Variants in LGR4 observed in about 807,000 individuals in gnomAD.
LGR4 encodes leucine-rich repeat-containing G protein-coupled receptor 4.
A neutral mutation model predicts 84.8 loss-of-function variants in LGR4; 44 were observed. The observed-to-expected ratio is 0.52, with a 90% CI of 0.41 to 0.67. The LOEUF (loss-of-function observed/expected upper bound fraction) is 0.67, where lower values mean the gene tolerates loss of function less well. Ranked by LOEUF, LGR4 falls within the 30% of genes least tolerant of loss-of-function variation. LGR4 has a pLI of 0.00. For missense variants in LGR4, 1,032 were observed against 1,131.4 expected (o/e 0.91, Z 1.26); for synonymous variants, 429 against 434.3 (o/e 0.99, Z 0.15).
At chr11:27,433,341 T>C (rs563677596) in intron 1 of LGR4, among the ~76,000 whole-genome samples, 6 of 152,052 alleles carry the variant, frequency 3.9e-5, no homozygotes, top group African/African-American at 1.4e-4. Flanking sequence ...GACTCCCCAG[T>C]AGTTGGGACC....
intron 2 of LGR4, among the ~76,000 whole-genome samples, chr11:27,395,331 T>C (rs1251449740): frequency 6.6e-6 from 1 of 152,010 alleles, no homozygotes; most frequent in Admixed American, 6.6e-5. Flanking sequence ...TTTCCTTGAG[T>C]TCAGCCTATT....
At chr11:27,380,219 C>A in intron 10 of LGR4, 52 bp downstream of exon 10, 1 of 1,137,394 alleles carries the variant, frequency 8.8e-7, no homozygotes. Flanking sequence ...ACCCTGCTAG[C>A]AGTCCAGTAG....
At chr11:27,380,590 TA>T in intron 9 of LGR4, 49 bp downstream of exon 9, 1 of 1,251,262 alleles carries the variant, frequency 8.0e-7, no homozygotes, top group Non-Finnish European at 1.1e-6. Flanking sequence ...TGTTTTCCAC[TA>T]AAACAACTGT....
chr11:27,444,810 G>T (rs906538911), intron 1 of LGR4, among the ~76,000 whole-genome samples: 1 of 152,074 alleles, frequency 6.6e-6, no homozygotes, highest in Non-Finnish European at 1.5e-5. Flanking sequence ...AAAATACCTA[G>T]TTCTGCCCAT....
At chr11:27,470,805 G>C (rs1183667449) in intron 1 of LGR4, among the ~76,000 whole-genome samples, 1 of 151,730 alleles carries the variant, frequency 6.6e-6, no homozygotes, top group African/African-American at 2.4e-5. Flanking sequence ...GTAGAAGAAT[G>C]AAACAGGTTC....
At position 27,367,659 on chromosome 11, in the gene LGR4, C is replaced by A; in HGVS notation, c.*208G>T. On this transcript the variant is annotated 3_prime_UTR_variant, in exon 18 of 18. Coordinates refer to ENST00000379214, the MANE Select transcript of LGR4 (RefSeq NM_018490.5). ...TTTGTTTCAAACAGATCATACATTGCTTGGACATTGCATTTTTCACCAATT... is the reference window on the plus strand; with the variant it reads ...TTTGTTTCAAACAGATCATACATTGATTGGACATTGCATTTTTCACCAATT... 1 of 493,376 alleles carries A rather than the reference C, an allele frequency of 2.0e-6. No individual in the cohort carries two copies. The highest frequency in any genetic ancestry group is 3.6e-6 in the Non-Finnish European group (1 of 279,870). The allele number at this position is 493,376 out of a possible 1,614,324, so 30.6% of individuals were successfully genotyped here.
chr11:27,402,911 G>A (rs139610424), intron 2 of LGR4, among the ~76,000 whole-genome samples: 112 of 152,246 alleles, frequency 7.4e-4, no homozygotes, highest in African/African-American at 1.3e-3. Flanking sequence ...CAACTACAGA[G>A]CAGAATGTCA....
intron 1 of LGR4, among the ~76,000 whole-genome samples, chr11:27,470,835 G>T (rs1428152133): frequency 6.6e-6 from 1 of 152,046 alleles, no homozygotes; most frequent in Non-Finnish European, 1.5e-5. Flanking sequence ...AGGCCTCGAT[G>T]CTCACTAAAA....
chr11:27,376,220 A>G lies in LGR4; in HGVS notation c.1181+79T>C, dbSNP rs964787724. The stretch of plus-strand genomic sequence containing the variant: ...TAAAATTATATCTTTAAGTATATCT[A>G]GTAACATGGAAATCATAACAACATA... On this transcript the variant is annotated intron_variant, in intron 13 of 17. Transcript: ENST00000379214. 2.1e-5 allele frequency: 17 copies of G among 808,404 alleles called. No individual in the cohort carries two copies. In the Admixed American group the frequency reaches 3.9e-4, roughly 19 times the overall value. 50.1% of individuals were successfully genotyped at this position (808,404 alleles called of 1,614,324 possible). A position where few individuals can be genotyped will look rare whatever the true frequency, so the allele number is the denominator to read the frequency against.
intron 2 of LGR4, among the ~76,000 whole-genome samples, chr11:27,399,196 T>C (rs1590362376): frequency 6.6e-6 from 1 of 151,794 alleles, no homozygotes; most frequent in African/African-American, 2.4e-5. Context: ...CAGGTGTGAG[T>C]CTGAGTCACC....
intron 1 of LGR4, among the ~76,000 whole-genome samples, chr11:27,451,935 T>G (rs1198765836): frequency 8.5e-5 from 13 of 152,220 alleles, no homozygotes; most frequent in Non-Finnish European, 2.9e-5. Flanking sequence ...TATTGTACTT[T>G]CTCTGCTTTA....
At chr11:27,385,148 A>G in intron 5 of LGR4, 105 bp downstream of exon 5, 1 of 770,210 alleles carries the variant, frequency 1.3e-6, no homozygotes, top group South Asian at 2.1e-5. Context: ...CTAACTACTC[A>G]GGAGCATATT....
chr11:27,414,213 G>A (rs551483850), intron 1 of LGR4, among the ~76,000 whole-genome samples: 3 of 151,998 alleles, frequency 2.0e-5, no homozygotes, highest in South Asian at 4.2e-4. Context: ...AAGTGCAAAC[G>A]ATGAGTCTTC....
chr11:27,408,628 C>A (rs907875413), intron 2 of LGR4, among the ~76,000 whole-genome samples: 1 of 152,126 alleles, frequency 6.6e-6, no homozygotes, highest in East Asian at 1.9e-4. Context: ...ACATGTCTGA[C>A]AACGTCACAT....
intron 6 of LGR4, 77 bp from the exon 7 acceptor site, chr11:27,382,333 GT>G (rs1306776820): frequency 1.3e-5 from 12 of 955,604 alleles, no homozygotes; most frequent in Non-Finnish European, 2.0e-5. Context: ...TTACAGACAA[GT>G]ATTTTTTTAA....
chr11:27,458,301 T>C (rs1212244075), intron 1 of LGR4, among the ~76,000 whole-genome samples: 1 of 152,028 alleles, frequency 6.6e-6, no homozygotes, highest in Admixed American at 6.6e-5. Context: ...GAAACCAAGG[T>C]AGAAAATAGT....
intron 4 of LGR4, 131 bp from the exon 5 acceptor site, chr11:27,385,599 C>A (rs1863173712): frequency 3.4e-6 from 2 of 590,920 alleles, no homozygotes; most frequent in Non-Finnish European, 5.8e-6. Flanking sequence ...TACTAGAAGT[C>A]CTCATAACAT....
chr11:27,461,512 C>T (rs1026192839), intron 1 of LGR4, among the ~76,000 whole-genome samples: 1 of 152,176 alleles, frequency 6.6e-6, no homozygotes, highest in Non-Finnish European at 1.5e-5. Context: ...TCTTACCCAT[C>T]TTCTACATCA....
At chr11:27,446,124 G>A (rs190440350) in intron 1 of LGR4, among the ~76,000 whole-genome samples, 35 of 152,268 alleles carry the variant, frequency 2.3e-4, no homozygotes, top group African/African-American at 8.4e-4. Context: ...GCTTAAAAAT[G>A]GGGTTGTTTG....
Sources: gnomAD v4.1 joint callset for allele counts (sites outside exome capture counted in the v4.1 genomes callset) on GRCh38, gnomAD v4.1.1 for gene constraint, MANE v1.5 for transcripts, NCBI Gene and HGNC (gene_info 2026-07-23, HGNC 2026-07-21) for gene names.